The following GPATCH11 variants were observed in gnomAD, a reference collection of about 807,000 sequenced individuals.
The protein encoded by GPATCH11 is G patch domain-containing protein 11.
Under a neutral mutation model 44.8 loss-of-function variants are expected in GPATCH11, and 32 were observed. That is an observed-to-expected ratio of 0.71 (90% CI 0.54 to 0.96). The LOEUF is 0.96. Among genes scored for constraint, GPATCH11 ranks in the 40% least tolerant of loss-of-function variants. The probability of loss-of-function intolerance (pLI) is 0.00; values close to 1 mark genes in which losing one functional copy is unlikely to be tolerated. For missense variants in GPATCH11, 324 were observed against 303.1 expected (o/e 1.07, Z -0.51); for synonymous variants, 84 against 94.4 (o/e 0.89, Z 0.64).
intron 4 of GPATCH11, among the ~76,000 whole-genome samples, chr2:37,091,205 TC>T (rs1484134073): frequency 1.3e-5 from 2 of 151,874 alleles, no homozygotes; most frequent in Non-Finnish European, 2.9e-5. Context: ...ATGCCTGTAA[TC>T]CCAGCTACTT....
In GPATCH11 at chr2:37,097,266, C is replaced by G. The variant is rs1330757118; in HGVS notation, c.*1003C>G. On this transcript the variant is annotated 3_prime_UTR_variant, in exon 9 of 9. Transcript: ENST00000674370. ...AAAACCATTCCATTACTGGGTAGCT[C>G]TGAATTGTTTTCATTGTTTTCTCTT... is the stretch of plus-strand genomic sequence containing the variant. The G allele has an allele frequency of 1.3e-5, 2 of 152,204 alleles. No individual in the cohort carries two copies. Among genetic ancestry groups the G allele is most frequent in the Non-Finnish European group, 2.9e-5 (2 of 68,046 alleles). The allele number at this position is 152,204 out of a possible 1,614,324, so 9.4% of individuals were successfully genotyped here. A position where few individuals can be genotyped will look rare whatever the true frequency, so the allele number is the denominator to read the frequency against.
At chr2:37,085,881 C>A (rs964596275) in intron 1 of GPATCH11, among the ~76,000 whole-genome samples, 1 of 152,228 alleles carries the variant, frequency 6.6e-6, no homozygotes, top group African/African-American at 2.4e-5. Flanking sequence ...GAAGGCCTGA[C>A]TGGAGCAAGA....
intron 2 of GPATCH11, 121 bp downstream of exon 2, chr2:37,088,561 G>C: frequency 1.8e-6 from 1 of 557,508 alleles, no homozygotes; most frequent in Non-Finnish European, 3.2e-6. Context: ...TGTTAGCAAG[G>C]CTGGAGTGCA....
chr2:37,095,891 C>T (rs1673553448), intron 8 of GPATCH11, among the ~76,000 whole-genome samples: 1 of 151,990 alleles, frequency 6.6e-6, no homozygotes, highest in Admixed American at 6.6e-5. Context: ...GCCCCTAAAC[C>T]GTAAAAATCA....
chr2:37,089,498 C>T (rs1015416083), intron 2 of GPATCH11, 142 bp from the exon 3 acceptor site: 107 of 635,718 alleles, frequency 1.7e-4, no homozygotes, highest in African/African-American at 2.8e-4. Flanking sequence ...ACCCAGGAGG[C>T]GGAGGTTGCA....
At position 37,098,131 on chromosome 2, in the gene GPATCH11, T is replaced by A. The variant is rs901916253; in HGVS notation, c.*1868T>A. On this transcript the variant is annotated 3_prime_UTR_variant, in exon 9 of 9. Coordinates refer to ENST00000674370, the MANE Select transcript of GPATCH11 (RefSeq NM_174931.4). ...TGAAGCCAGGAGTTCAAGACCAACC[T>A]GGCCAACATGGTGAAACCCCATCTC... The A allele has an allele frequency of 1.3e-5, 2 of 152,006 alleles. No homozygotes were observed. Among genetic ancestry groups the A allele is most frequent in the Non-Finnish European group, 2.9e-5 (2 of 67,992 alleles). The allele number at this position is 152,006 out of a possible 1,614,324, so 9.4% of individuals were successfully genotyped here.
intron 2 of GPATCH11, 150 bp downstream of exon 2, chr2:37,088,590 A>C: frequency 3.7e-5 from 19 of 517,784 alleles, no homozygotes; most frequent in Non-Finnish European, 4.9e-5. Context: ...ATCTTAGCTC[A>C]CTGCAGCCTC....
rs767462069 is a variant in GPATCH11 at position 37,089,746 on chromosome 2, A to AAAG, written c.175_177dup (p.Glu59dup). 1 of 1,551,838 alleles carries AAAG rather than the reference A, an allele frequency of 6.4e-7. No individual in the cohort carries two copies. The highest frequency in any genetic ancestry group is 8.7e-7 in the Non-Finnish European group (1 of 1,147,042). On this transcript the variant is annotated inframe_insertion, in exon 3 of 9. Coordinates refer to ENST00000674370, the MANE Select transcript of GPATCH11 (RefSeq NM_174931.4). The stretch of plus-strand genomic sequence containing the variant: ...TTTGAAAAACAGGCAGAAGAGTTTA[A>AAAG]AAGAAGAAGAACAAGAAAGACGTGA...
At chr2:37,088,132 GA>G (rs1449027289) in intron 1 of GPATCH11, among the ~76,000 whole-genome samples, 1 of 152,176 alleles carries the variant, frequency 6.6e-6, no homozygotes, top group Non-Finnish European at 1.5e-5. Flanking sequence ...AAGAGGTCAG[GA>G]AGAAGGAGAT....
At chr2:37,094,899 C>T (rs1404162060) in intron 7 of GPATCH11, among the ~76,000 whole-genome samples, 1 of 151,198 alleles carries the variant, frequency 6.6e-6, no homozygotes, top group African/African-American at 2.4e-5. Flanking sequence ...CAAGATCACG[C>T]CACTGCACTC....
intron 2 of GPATCH11, 140 bp from the exon 3 acceptor site, chr2:37,089,500 G>A (rs1673203744): frequency 1.6e-6 from 1 of 644,764 alleles, no homozygotes; most frequent in Non-Finnish European, 2.7e-6. Context: ...CCAGGAGGCG[G>A]AGGTTGCAGT....
rs1274839132 is a variant in GPATCH11, at chr2:37,089,692, CGAAAA to C, written c.116_120del (p.Lys39ArgfsTer24). The C allele has an allele frequency of 6.4e-7, 1 of 1,551,350 alleles. No homozygotes were observed. Among genetic ancestry groups the C allele is most frequent in the Non-Finnish European group, 8.7e-7 (1 of 1,146,978 alleles). On this transcript the variant is annotated frameshift_variant, in exon 3 of 9. Coordinates refer to ENST00000674370, the MANE Select transcript of GPATCH11 (RefSeq NM_174931.4). LOFTEE classifies it high-confidence loss of function. ...GCTAAGGCAAATCCGAGAAGCCCGTCGAAAAGAAGAAAAGCAACAGGAAGCCAATT... is the reference window on the plus strand; with the variant it reads ...GCTAAGGCAAATCCGAGAAGCCCGTCGAAGAAAAGCAACAGGAAGCCAATT...
At position 37,092,177 on chromosome 2, in the gene GPATCH11, A is replaced by G. The variant is rs1405757756; in HGVS notation, c.462A>G (p.Lys154=). 1 of 1,557,434 alleles carries G rather than the reference A, an allele frequency of 6.4e-7. No homozygotes were observed. Among genetic ancestry groups the G allele is most frequent in the South Asian group, 1.2e-5 (1 of 80,336 alleles). The change falls in exon 6 of 9, where the codon AAA becomes AAG. Residue 154 remains lysine (K), a synonymous_variant. Transcript: ENST00000674370. ...TTCTTTCAATTAGAATGCGACTTAA[A>G]AATAAGCAAGATGAAATGAAGCTAG... ...KAAEQFRMRL[K]NKQDEMKLEG...
intron 1 of GPATCH11, among the ~76,000 whole-genome samples, chr2:37,086,170 G>A (rs938912886): frequency 2.0e-5 from 3 of 152,244 alleles, no homozygotes; most frequent in African/African-American, 7.2e-5. Context: ...CACTAAGGAT[G>A]TAGAAAACCA....
intron 1 of GPATCH11, among the ~76,000 whole-genome samples, chr2:37,085,598 A>G (rs554204849): frequency 7.9e-5 from 12 of 152,368 alleles, no homozygotes; most frequent in Admixed American, 5.2e-4. Flanking sequence ...AATGATTGCC[A>G]TAAAAAACAG....
rs1242331515 is a variant in GPATCH11, at chr2:37,095,464, A to G, written c.682A>G (p.Ser228Gly). The G allele has an allele frequency of 6.2e-7, 1 of 1,606,568 alleles. No homozygotes were observed. Among genetic ancestry groups the G allele is most frequent in the Non-Finnish European group, 8.5e-7 (1 of 1,176,890 alleles). ...SVLEKLQILTSYLREEHLYCI... is the reference protein window; with the variant it reads ...SVLEKLQILTGYLREEHLYCI... ...ACTGGAAAAATTACAAATATTGACT[A>G]GTTATTTAAGAGAAGAACATCTATA... Residue 228 changes from serine to glycine, a missense_variant, in exon 8 of 9, where the codon AGT becomes GGT. By Grantham distance (56) the Ser-to-Gly change is moderately conservative (BLOSUM62 0). Transcript: ENST00000674370.
Position 37,098,877 on chromosome 2 carries a change from C to T in GPATCH11, c.*2614C>T, listed in dbSNP as rs1477455460. ...CCTGGGCAACATAGTGAGAGACCTC[C>T]ATCTTAAGGGAATAAAAAAAAAATC... On this transcript the variant is annotated 3_prime_UTR_variant, in exon 9 of 9. Coordinates refer to ENST00000674370, the MANE Select transcript of GPATCH11 (RefSeq NM_174931.4). The T allele has an allele frequency of 3.3e-5, 5 of 152,050 alleles. No homozygotes were observed. 9.4% of individuals were successfully genotyped at this position (152,050 alleles called of 1,614,324 possible).
rs1301891821 is a variant in GPATCH11 at position 37,098,121 on chromosome 2, A to C, written c.*1858A>C. ...GCAGATCACTTGAAGCCAGGAGTTC[A>C]AGACCAACCTGGCCAACATGGTGAA... On this transcript the variant is annotated 3_prime_UTR_variant, in exon 9 of 9. Coordinates refer to ENST00000674370, the MANE Select transcript of GPATCH11 (RefSeq NM_174931.4). 1 of 152,002 alleles carries C rather than the reference A, an allele frequency of 6.6e-6. No homozygotes were observed. Among genetic ancestry groups the C allele is most frequent in the Non-Finnish European group, 1.5e-5 (1 of 67,988 alleles). 9.4% of individuals were successfully genotyped at this position (152,002 alleles called of 1,614,324 possible).
chr2:37,089,630 C>A lies in GPATCH11; in HGVS notation c.60-10C>A. 6.5e-7 allele frequency: 1 copy of A among 1,535,566 alleles called. No homozygotes were observed. Among genetic ancestry groups the A allele is most frequent in the Non-Finnish European group, 8.8e-7 (1 of 1,134,422 alleles). ...TGGACTCATCTAAAATAAACTTTTCCCTTATTCAGAGAAGATATCAGACCA... is the reference window on the plus strand; with the variant it reads ...TGGACTCATCTAAAATAAACTTTTCACTTATTCAGAGAAGATATCAGACCA... On this transcript the variant is annotated splice_polypyrimidine_tract_variant and intron_variant, in intron 2 of 8. Transcript: ENST00000674370.
Sources: gnomAD v4.1 joint callset for allele counts (sites outside exome capture counted in the v4.1 genomes callset) on GRCh38, gnomAD v4.1.1 for gene constraint, MANE v1.5 for transcripts, NCBI Gene and HGNC (gene_info 2026-07-23, HGNC 2026-07-21) for gene names.